RGS3: variants seen among roughly 807,000 people sequenced by gnomAD.
RGS3 encodes the protein regulator of G-protein signalling 3.
In RGS3, 80 loss-of-function variants were observed where a neutral mutation model predicts 132.6. The observed-to-expected ratio is 0.60, with a 90% CI of 0.50 to 0.73. The LOEUF (loss-of-function observed/expected upper bound fraction) is 0.73. Ranked by LOEUF, RGS3 falls within the 30% of genes least tolerant of loss-of-function variation. RGS3 has a pLI of 0.00. For synonymous variants in RGS3, 598 were observed against 620.6 expected (o/e 0.96, Z 0.54); for missense variants, 1,382 against 1,530.8 (o/e 0.90, Z 1.62).
chr9:113,549,333 A>G (rs1218787709), intron 19 of RGS3, among the ~76,000 whole-genome samples: 1 of 152,224 alleles, frequency 6.6e-6, no homozygotes, highest in Non-Finnish European at 1.5e-5. Flanking sequence ...TAGGTACTTA[A>G]TAGTAGCTCT....
intron 16 of RGS3, among the ~76,000 whole-genome samples, chr9:113,518,950 G>A (rs1187807458): frequency 6.6e-6 from 1 of 152,194 alleles, no homozygotes; most frequent in East Asian, 1.9e-4. Flanking sequence ...TAAGAAGCCA[G>A]TTAGAGATGG....
exon 22 of RGS3, chr9:113,594,495 C>T (rs772969488): frequency 6.2e-7 from 1 of 1,613,690 alleles, no homozygotes; most frequent in African/African-American, 1.3e-5. Flanking sequence ...GGAGCCCCTC[C>T]CGCGGGCAAG....
intron 3 of RGS3, among the ~76,000 whole-genome samples, chr9:113,465,663 A>C (rs1268035838): frequency 6.6e-6 from 1 of 152,136 alleles, no homozygotes; most frequent in East Asian, 1.9e-4. Flanking sequence ...CAGGCCCAGC[A>C]GGGAGTGGAT....
chr9:113,537,491 G>T lies in RGS3; in HGVS notation c.2037+573G>T, dbSNP rs944192656. Among the ~76,000 whole-genome samples, 9 of 152,210 alleles carry T rather than the reference G, an allele frequency of 5.9e-5. No homozygotes were observed. The highest frequency in any genetic ancestry group is 2.2e-4 in the African/African-American group (9 of 41,450). On this transcript the variant is annotated intron_variant, in intron 19 of 24. Coordinates refer to ENST00000350696, the Ensembl canonical transcript of RGS3. The surrounding 1 kb of genome is among the most constrained non-coding windows in gnomAD (Gnocchi z 4.3). ...GGCTGGGCACTGCTCAGCCCATCCAGTGCCTGGGGAGAGGGGATGGGATAG... is the reference window on the plus strand; with the variant it reads ...GGCTGGGCACTGCTCAGCCCATCCATTGCCTGGGGAGAGGGGATGGGATAG...
intron 18 of RGS3, among the ~76,000 whole-genome samples, chr9:113,535,392 C>T (rs149848498): frequency 0.014 from 2,197 of 152,132 alleles, 61 homozygotes; most frequent in African/African-American, 0.05. Context: ...AGGCTGTTCT[C>T]GAACACCTGA....
At chr9:113,510,039 C>T (rs374649719) in intron 14 of RGS3, among the ~76,000 whole-genome samples, 88 of 152,188 alleles carry the variant, frequency 5.8e-4, no homozygotes, top group African/African-American at 1.9e-3. Context: ...ACCCATAACC[C>T]GAGCAGAATA....
At chr9:113,566,475 C>A (rs1214156395) in intron 19 of RGS3, among the ~76,000 whole-genome samples, 1 of 152,080 alleles carries the variant, frequency 6.6e-6, no homozygotes, top group Non-Finnish European at 1.5e-5. Flanking sequence ...ACCCTTGAAC[C>A]CTAGGACTCA....
upstream of RGS3, among the ~76,000 whole-genome samples, chr9:113,459,641 T>C (rs1421317290): frequency 6.6e-6 from 1 of 152,020 alleles, no homozygotes; most frequent in Non-Finnish European, 1.5e-5. Flanking sequence ...TCTCAGCTAC[T>C]TGGGAGGCTG....
intron 1 of RGS3, among the ~76,000 whole-genome samples, chr9:113,446,538 C>T (rs1440588427): frequency 1.3e-5 from 2 of 152,126 alleles, no homozygotes; most frequent in African/African-American, 4.8e-5. Context: ...ACCAAAGAAA[C>T]GTCTTAATGA....
At chr9:113,547,054 C>T (rs1285480612) in intron 19 of RGS3, among the ~76,000 whole-genome samples, 1 of 152,102 alleles carries the variant, frequency 6.6e-6, no homozygotes, top group Admixed American at 6.5e-5. Context: ...GTAGCTACTC[C>T]CCTCAGAAAA....
chr9:113,589,574 C>T (rs1256705241), intron 20 of RGS3, among the ~76,000 whole-genome samples: 4 of 152,126 alleles, frequency 2.6e-5, no homozygotes, highest in Admixed American at 6.6e-5. Context: ...TGTGTGGAGC[C>T]GATAAAGTAC....
Position 113,536,930 on chromosome 9 carries a change from G to C in RGS3, c.2037+12G>C, listed in dbSNP as rs570152940. 2 of 1,612,720 alleles carry C rather than the reference G, an allele frequency of 1.2e-6. No individual in the cohort carries two copies. Among genetic ancestry groups the C allele is most frequent in the African/African-American group, 2.7e-5 (2 of 75,048 alleles). On this transcript the variant is annotated intron_variant, in intron 19 of 24. Coordinates refer to ENST00000350696, the Ensembl canonical transcript of RGS3. ...CCCCGGACAGCAAGGTAAGGGCCTTGACAGTGGCTGTGGCCTGGCTGCCTC... is the reference window on the plus strand; with the variant it reads ...CCCCGGACAGCAAGGTAAGGGCCTTCACAGTGGCTGTGGCCTGGCTGCCTC...
At chr9:113,569,457 G>A (rs1291172457) in intron 19 of RGS3, among the ~76,000 whole-genome samples, 1 of 152,130 alleles carries the variant, frequency 6.6e-6, no homozygotes, top group Non-Finnish European at 1.5e-5. Flanking sequence ...TGGAAGCAAT[G>A]TTCAGCCAGG....
chr9:113,588,804 G>A (rs1835263701), intron 20 of RGS3, among the ~76,000 whole-genome samples: 1 of 152,212 alleles, frequency 6.6e-6, no homozygotes, highest in Non-Finnish European at 1.5e-5. Context: ...ACAGCCCTTT[G>A]AGGGAAGTCC....
intron 3 of RGS3, among the ~76,000 whole-genome samples, chr9:113,465,705 TCTGATGGGTATCAGGGAAGG>T (rs1829617777): frequency 6.6e-6 from 1 of 152,056 alleles, no homozygotes; most frequent in Non-Finnish European, 1.5e-5. Context: ...CAGGGCTGAG[TCTGATGGGTATCAGGGAAGG>T]CTGCTGCTTG....
intron 1 of RGS3, among the ~76,000 whole-genome samples, chr9:113,455,119 G>T (rs1427620941): frequency 6.6e-6 from 1 of 152,244 alleles, no homozygotes; most frequent in East Asian, 1.9e-4. Flanking sequence ...AGTCTCTCCC[G>T]GGAATAAGCT....
rs923590006 is a variant in RGS3 at position 113,463,025 on chromosome 9, C to T, written c.415+824C>T. Among the ~76,000 whole-genome samples, 1 of 152,190 alleles carries T rather than the reference C, an allele frequency of 6.6e-6. No homozygotes were observed. The highest frequency in any genetic ancestry group is 6.5e-5 in the Admixed American group (1 of 15,286). ...GGGTTTGACCTTCCAGCTCTGCCTC[C>T]CCGCACCAGGCTGGGGGATTCACCC... On this transcript the variant is annotated intron_variant, in intron 3 of 24. Transcript: ENST00000350696. The surrounding 1 kb of genome is among the most constrained non-coding windows in gnomAD (Gnocchi z 4.6).
At chr9:113,576,921 CA>C (rs1464769804) in intron 19 of RGS3, among the ~76,000 whole-genome samples, 2 of 152,218 alleles carry the variant, frequency 1.3e-5, no homozygotes, top group African/African-American at 4.8e-5. Flanking sequence ...AGGGAAGTGG[CA>C]GCAGTGGACA....
At chr9:113,523,013 C>G (rs909518291) in exon 17 of RGS3, 2 of 1,613,672 alleles carry the variant, frequency 1.2e-6, no homozygotes, top group Admixed American at 1.7e-5. Flanking sequence ...GGAACCCCCT[C>G]TACCTCCAGA....
Sources: gnomAD v4.1 joint callset for allele counts (sites outside exome capture counted in the v4.1 genomes callset) on GRCh38, gnomAD v4.1.1 for gene constraint, Gnocchi (gnomAD v3.1) non-coding constraint, MANE v1.5 for transcripts, NCBI Gene and HGNC (gene_info 2026-07-23, HGNC 2026-07-21) for gene names.